Variants in SLC25A16 observed in about 807,000 individuals in gnomAD.
The protein encoded by SLC25A16 is solute carrier family 25 member 16, also known as mitochondrial coenzyme A transporter SLC25A16.
SLC25A16 carries 39 observed loss-of-function variants against 41.5 expected under a neutral mutation model. The observed-to-expected ratio is 0.94, with a 90% CI of 0.73 to 1.23. The LOEUF (loss-of-function observed/expected upper bound fraction) is 1.23, where lower values mean the gene tolerates loss of function less well. SLC25A16 is among the 50% of genes most tolerant of loss of function. The pLI, the probability that SLC25A16 is intolerant of heterozygous loss-of-function variation, is 0.00. For missense variants in SLC25A16, 421 were observed against 426.9 expected (o/e 0.99, Z 0.12); for synonymous variants, 146 against 147.8 (o/e 0.99, Z 0.09).
At chr10:68,513,261 T>C (rs919641378) in intron 2 of SLC25A16, among the ~76,000 whole-genome samples, 5 of 150,712 alleles carry the variant, frequency 3.3e-5, no homozygotes, top group African/African-American at 1.2e-4. Context: ...ATACAATAAT[T>C]AGCTGGGCAC....
At chr10:68,515,257 T>A (rs910255305) in intron 2 of SLC25A16, among the ~76,000 whole-genome samples, 2 of 149,656 alleles carry the variant, frequency 1.3e-5, no homozygotes, top group Non-Finnish European at 3.0e-5. Context: ...CTCAGGAGGC[T>A]GAGGCAGGAG....
intron 6 of SLC25A16, among the ~76,000 whole-genome samples, chr10:68,490,700 C>T (rs1420309449): frequency 1.3e-5 from 2 of 151,258 alleles, no homozygotes; most frequent in Admixed American, 1.3e-4. Context: ...AAAAAAAAAA[C>T]TTCCTTAACA....
intron 1 of SLC25A16, among the ~76,000 whole-genome samples, chr10:68,522,814 CAAAAAAA>C (rs58143466): frequency 4.0e-4 from 26 of 65,468 alleles, no homozygotes; most frequent in Admixed American, 3.8e-4. Flanking sequence ...GATTCCTTCT[CAAAAAAA>C]AAAAAAAAAA....
rs530858719 is a variant in SLC25A16, at chr10:68,504,438, T to C, written c.358-743A>G. Among the ~76,000 whole-genome samples the C allele has an allele frequency of 1.2e-4, 16 of 138,700 alleles. 1 individual carries two copies. Among genetic ancestry groups the C allele is most frequent in the South Asian group, 7.3e-4 (3 of 4,090 alleles). 91.0% of individuals were successfully genotyped at this position (138,700 alleles called of 152,430 possible). The stretch of plus-strand genomic sequence containing the variant: ...TTCCGATCTCTGCTGCTTGTGTTTT[T>C]TTTGTTTTTTTTTTTGAGACAGAGT... On this transcript the variant is annotated intron_variant, in intron 3 of 8. Transcript: ENST00000609923.
At chr10:68,517,258 C>T (rs2053175697) in intron 1 of SLC25A16, 1 of 987,326 alleles carries the variant, frequency 1.0e-6, no homozygotes, top group African/African-American at 1.7e-5. Context: ...AAGTAAACTC[C>T]TCTTCTTCTG....
At position 68,490,377 on chromosome 10, in the gene SLC25A16, T is replaced by G. The variant is rs189720213; in HGVS notation, c.611-1748A>C. 5.4e-3 allele frequency among the ~76,000 whole-genome samples: 813 copies of G among 151,856 alleles called. 6 individuals carry two copies. The highest frequency in any genetic ancestry group is 0.019 in the African/African-American group (784 of 41,426). On this transcript the variant is annotated intron_variant, in intron 6 of 8. Coordinates refer to ENST00000609923, the MANE Select transcript of SLC25A16 (RefSeq NM_152707.4). ...TTTTTTTTGAAACAGAGTTTTACTC[T>G]TGTCACCCAGGCTGGAGTGCAATGG...
intron 4 of SLC25A16, among the ~76,000 whole-genome samples, chr10:68,502,326 T>C (rs1394682840): frequency 6.6e-6 from 1 of 152,084 alleles, no homozygotes; most frequent in African/African-American, 2.4e-5. Flanking sequence ...CTAACATGTT[T>C]GGCCATGTAA....
chr10:68,493,510 T>G lies in SLC25A16; in HGVS notation c.482A>C (p.Gln161Pro), dbSNP rs1398489058. The G allele has an allele frequency of 6.2e-7, 1 of 1,613,158 alleles. No individual in the cohort carries two copies. Among genetic ancestry groups the G allele is most frequent in the Non-Finnish European group, 8.5e-7 (1 of 1,179,224 alleles). The change falls in exon 5 of 9, where the codon CAG becomes CCG. Residue 161 changes from glutamine to proline, a missense_variant. Transcript: ENST00000609923. ...LDMVRVRLAF[Q>P]VKGEHSYTGI... ...TGTATAGCTGTGTTCCCCTTTCACC[T>G]GGAATGCTAGGCGGACCCTAACCAT...
chr10:68,501,836 T>A (rs2052851626), intron 4 of SLC25A16, among the ~76,000 whole-genome samples: 1 of 152,146 alleles, frequency 6.6e-6, no homozygotes, highest in Non-Finnish European at 1.5e-5. Flanking sequence ...ACTTATTCCA[T>A]CCATCCCTCA....
chr10:68,487,915 G>C (rs549273842), intron 7 of SLC25A16, among the ~76,000 whole-genome samples: 1 of 151,916 alleles, frequency 6.6e-6, no homozygotes, highest in South Asian at 2.1e-4. Flanking sequence ...GTGCAGTGAC[G>C]CAATCTTGGC....
intron 8 of SLC25A16, among the ~76,000 whole-genome samples, chr10:68,484,424 CTTTTT>C (rs35608830): frequency 7.8e-6 from 1 of 127,534 alleles, no homozygotes; most frequent in Admixed American, 8.1e-5. Context: ...TTTCAAAAAT[CTTTTT>C]TTTTTTTTTT....
At chr10:68,520,901 T>A (rs930142833) in intron 1 of SLC25A16, among the ~76,000 whole-genome samples, 5 of 151,458 alleles carry the variant, frequency 3.3e-5, no homozygotes, top group African/African-American at 1.2e-4. Context: ...TTTGGGACGT[T>A]GAGGCGGGCA....
intron 2 of SLC25A16, among the ~76,000 whole-genome samples, chr10:68,515,843 AGTT>A (rs2053153477): frequency 6.6e-6 from 1 of 152,146 alleles, no homozygotes; most frequent in Admixed American, 6.6e-5. Flanking sequence ...AATCAGACTG[AGTT>A]GTTACGTGTG....
At chr10:68,506,512 T>C in intron 3 of SLC25A16, 73 bp downstream of exon 3, 1 of 1,015,928 alleles carries the variant, frequency 9.8e-7, no homozygotes, top group Non-Finnish European at 1.4e-6. Flanking sequence ...TTTTTAAATG[T>C]CCAAAGCAAA....
chr10:68,507,365 C>A (rs2052976098), intron 2 of SLC25A16, among the ~76,000 whole-genome samples: 2 of 152,026 alleles, frequency 1.3e-5, no homozygotes. Context: ...CCCACTGCAC[C>A]TGGCCCTGAA....
In SLC25A16 at chr10:68,485,959, G is replaced by A. The variant is rs1000942020; in HGVS notation, c.842+1185C>T. ...ACTACAGGTGCCTGCCACCACACCC[G>A]GCTAATTTTTTGTATTTTTACTAGA... On this transcript the variant is annotated intron_variant, in intron 8 of 8. Coordinates refer to ENST00000609923, the MANE Select transcript of SLC25A16 (RefSeq NM_152707.4). Among the ~76,000 whole-genome samples, 7 of 149,126 alleles carry A rather than the reference G, an allele frequency of 4.7e-5. No individual in the cohort carries two copies. In the East Asian group the frequency reaches 1.1e-3, roughly 22 times the overall value.
chr10:68,494,313 T>G (rs1430377672), intron 4 of SLC25A16, among the ~76,000 whole-genome samples: 1 of 139,390 alleles, frequency 7.2e-6, no homozygotes, highest in Non-Finnish European at 1.6e-5. Context: ...AATACAAAAA[T>G]TAGCTGGGTG....
chr10:68,485,146 G>A (rs1476711257), intron 8 of SLC25A16, among the ~76,000 whole-genome samples: 1 of 152,178 alleles, frequency 6.6e-6, no homozygotes, highest in Non-Finnish European at 1.5e-5. Flanking sequence ...CTGGAGTGCA[G>A]TAGCACGATC....
rs2052458551 is a variant in SLC25A16, at chr10:68,479,245, T to A, written c.*4187A>T. ...CCTTCTACCCACCAGTAAACATCAC[T>A]GAGTACCACTCTGACGCCATACCCT... is the stretch of plus-strand genomic sequence containing the variant. On this transcript the variant is annotated 3_prime_UTR_variant, in exon 9 of 9. Transcript: ENST00000609923. 1 of 152,196 alleles carries A rather than the reference T, an allele frequency of 6.6e-6. No homozygotes were observed. The highest frequency in any genetic ancestry group is 1.5e-5 in the Non-Finnish European group (1 of 68,042). 9.4% of individuals were successfully genotyped at this position (152,196 alleles called of 1,614,324 possible).
Sources: gnomAD v4.1 joint callset for allele counts (sites outside exome capture counted in the v4.1 genomes callset) on GRCh38, gnomAD v4.1.1 for gene constraint, MANE v1.5 for transcripts, NCBI Gene and HGNC (gene_info 2026-07-23, HGNC 2026-07-21) for gene names.